Variants in SLC71A2 observed in about 807,000 individuals in gnomAD.
SLC71A2 encodes the protein solute carrier family 71 member 2.
At chr9:94,394,779 ATAAG>A in the SLC71A2 span, among the ~76,000 whole-genome samples, 22 of 136,892 alleles carry the variant, frequency 1.6e-4, no homozygotes, top group Non-Finnish European at 3.3e-4. Flanking sequence ...CCAGATAGCT[ATAAG>A]TGATATAGGC....
At chr9:94,445,527 A>G in the SLC71A2 span, among the ~76,000 whole-genome samples, 9 of 152,208 alleles carry the variant, frequency 5.9e-5, no homozygotes, top group Admixed American at 5.2e-4. Context: ...TTTTAACTCA[A>G]AAAGGATAAA....
the SLC71A2 span, among the ~76,000 whole-genome samples, chr9:94,438,886 T>C: frequency 6.6e-6 from 1 of 152,222 alleles, no homozygotes; most frequent in Non-Finnish European, 1.5e-5. Flanking sequence ...ACTTTGTAAA[T>C]ATATTATTTT....
chr9:94,375,293 A>C, the SLC71A2 span, among the ~76,000 whole-genome samples: 2 of 151,762 alleles, frequency 1.3e-5, no homozygotes, highest in African/African-American at 4.9e-5. Context: ...CAGACCGTCG[A>C]CGGGGAAGTT....
the SLC71A2 span, among the ~76,000 whole-genome samples, chr9:94,420,479 C>G: frequency 6.6e-6 from 1 of 152,120 alleles, no homozygotes; most frequent in South Asian, 2.1e-4. Flanking sequence ...TTCCAGAGCA[C>G]TGAAATAGGT....
the SLC71A2 span, among the ~76,000 whole-genome samples, chr9:94,455,183 A>ATTTTTTTTTTTTTTTTTTTCTT: frequency 4.9e-5 from 1 of 20,526 alleles, no homozygotes; most frequent in Non-Finnish European, 7.1e-5. Flanking sequence ...TTTTTTTTTG[A>ATTTTTTTTTTTTTTTTTTTCTT]GAGAGAGAGG....
At chr9:94,448,905 T>C in the SLC71A2 span, among the ~76,000 whole-genome samples, 1 of 152,238 alleles carries the variant, frequency 6.6e-6, no homozygotes, top group Non-Finnish European at 1.5e-5. Flanking sequence ...AATGCTGGGA[T>C]TATAGGCATG....
the SLC71A2 span, chr9:94,459,050 A>G: frequency 1.7e-6 from 2 of 1,149,776 alleles, no homozygotes; most frequent in Non-Finnish European, 2.5e-6. Flanking sequence ...TTTGCTTATG[A>G]GAATATGATT....
At chr9:94,437,080 T>C in the SLC71A2 span, among the ~76,000 whole-genome samples, 2 of 146,054 alleles carry the variant, frequency 1.4e-5, no homozygotes. Context: ...GTTTCCAGGC[T>C]CCAAGTGTGG....
At chr9:94,389,533 C>G in the SLC71A2 span, among the ~76,000 whole-genome samples, 2 of 151,240 alleles carry the variant, frequency 1.3e-5, no homozygotes, top group Admixed American at 6.6e-5. Context: ...CCCGCCTTGG[C>G]CTCCCAAAGT....
At chr9:94,381,906 C>G in the SLC71A2 span, among the ~76,000 whole-genome samples, 1 of 152,218 alleles carries the variant, frequency 6.6e-6, no homozygotes, top group Non-Finnish European at 1.5e-5. Context: ...TCTAGTTCAT[C>G]CATATCCTTA....
chr9:94,429,301 T>C, the SLC71A2 span: 7 of 1,532,060 alleles, frequency 4.6e-6, no homozygotes, highest in South Asian at 1.2e-5. Flanking sequence ...TCAGGAATCC[T>C]TGGTAGTTTA....
the SLC71A2 span, among the ~76,000 whole-genome samples, chr9:94,445,704 C>T: frequency 1.3e-5 from 2 of 151,966 alleles, no homozygotes; most frequent in African/African-American, 4.8e-5. Context: ...GGTGGTGTGT[C>T]ACTGGAAAAC....
chr9:94,460,532 G>C, the SLC71A2 span: 2 of 152,516 alleles, frequency 1.3e-5, no homozygotes, highest in Admixed American at 6.5e-5. Context: ...TATTTTTTGA[G>C]ATGTTTTATG....
chr9:94,441,149 T>A, the SLC71A2 span: 2 of 1,036,982 alleles, frequency 1.9e-6, no homozygotes, highest in Non-Finnish European at 2.8e-6. Context: ...TAATTAACAT[T>A]GTATTAGAAA....
the SLC71A2 span, among the ~76,000 whole-genome samples, chr9:94,430,887 G>C: frequency 1.3e-5 from 2 of 152,062 alleles, no homozygotes; most frequent in East Asian, 1.9e-4. Context: ...AGTTAAATAG[G>C]AGTTTAAAGT....
the SLC71A2 span, among the ~76,000 whole-genome samples, chr9:94,384,031 C>T: frequency 6.6e-6 from 1 of 152,166 alleles, no homozygotes; most frequent in African/African-American, 2.4e-5. Context: ...AAGTTACCAT[C>T]TTAACCATTC....
the SLC71A2 span, among the ~76,000 whole-genome samples, chr9:94,436,636 C>G: frequency 6.6e-6 from 1 of 152,066 alleles, no homozygotes; most frequent in Non-Finnish European, 1.5e-5. Flanking sequence ...CTTCTTGGTG[C>G]AAGATGATGA....
the SLC71A2 span, among the ~76,000 whole-genome samples, chr9:94,414,905 G>A: frequency 2.6e-5 from 4 of 151,996 alleles, no homozygotes; most frequent in East Asian, 1.9e-4. Flanking sequence ...TGATCTGCCC[G>A]CCTTGGCCTC....
chr9:94,459,882 TTGA>T, the SLC71A2 span: 7 of 159,626 alleles, frequency 4.4e-5, no homozygotes, highest in African/African-American at 7.2e-5. Context: ...CCCATAGGTG[TTGA>T]TGAGTGGCCA....
Sources: allele counts gnomAD v4.1 joint callset (sites outside exome capture counted in the v4.1 genomes callset), GRCh38; gene constraint gnomAD v4.1.1; transcripts MANE v1.5; gene names NCBI Gene and HGNC (gene_info 2026-07-23, HGNC 2026-07-21).